The following MIR2052HG variants were observed in gnomAD, a reference collection of about 807,000 sequenced individuals.
The protein encoded by MIR2052HG is MIR2052 host gene.
chr8:74,721,362 A>G (rs1809576702), intron 4 of MIR2052HG, among the ~76,000 whole-genome samples: 3 of 152,194 alleles, frequency 2.0e-5, no homozygotes, highest in African/African-American at 4.8e-5. Context: ...TCCAAGACTT[A>G]ATGTGCTCAA....
chr8:74,599,971 G>C (rs1301269533), intron 1 of MIR2052HG: 4 of 156,736 alleles, frequency 2.6e-5, no homozygotes, highest in African/African-American at 9.6e-5. Flanking sequence ...CAGTATTCGG[G>C]TGGGAGTGAC....
intron 4 of MIR2052HG, among the ~76,000 whole-genome samples, chr8:74,749,705 T>G (rs1174116562): frequency 6.6e-6 from 1 of 151,782 alleles, no homozygotes; most frequent in East Asian, 1.9e-4. Context: ...AAAAATTAGC[T>G]GGGTATGGTG....
chr8:74,752,604 C>T (rs1449596435), intron 5 of MIR2052HG: 2 of 398,468 alleles, frequency 5.0e-6, no homozygotes, highest in African/African-American at 4.3e-5. Context: ...GGTTAAACTG[C>T]CTTAGCCATT....
At chr8:74,716,818 A>G (rs963390354) in intron 4 of MIR2052HG, among the ~76,000 whole-genome samples, 1 of 152,114 alleles carries the variant, frequency 6.6e-6, no homozygotes, top group Non-Finnish European at 1.5e-5. Flanking sequence ...TGCATGCCTT[A>G]TCTTGTAAGA....
intron 3 of MIR2052HG, among the ~76,000 whole-genome samples, chr8:74,703,210 G>A (rs960179728): frequency 2.6e-5 from 4 of 152,020 alleles, no homozygotes; most frequent in Admixed American, 2.6e-4. Flanking sequence ...ACCAAATCTT[G>A]TGATGCCTAA....
intron 2 of MIR2052HG, among the ~76,000 whole-genome samples, chr8:74,693,604 C>T (rs115721374): frequency 0.23 from 2,908 of 12,430 alleles, 90 homozygotes; most frequent in African/African-American, 0.48. Context: ...AGTGCTATTG[C>T]GGGGGCGGGG....
At chr8:74,751,090 A>G (rs991913609) in intron 4 of MIR2052HG, among the ~76,000 whole-genome samples, 3 of 152,230 alleles carry the variant, frequency 2.0e-5, no homozygotes, top group Non-Finnish European at 4.4e-5. Flanking sequence ...ATTTGTAAAC[A>G]CAAAATCAAT....
At chr8:74,752,852 AGTTAAAACT>A (rs2128756870) in intron 5 of MIR2052HG, among the ~76,000 whole-genome samples, 1 of 152,332 alleles carries the variant, frequency 6.6e-6, no homozygotes, top group Admixed American at 6.5e-5. Context: ...AAAAACTTTC[AGTTAAAACT>A]GGTTCAATTT....
chr8:74,722,484 T>G (rs1340287819), intron 4 of MIR2052HG, among the ~76,000 whole-genome samples: 1 of 152,230 alleles, frequency 6.6e-6, no homozygotes, highest in Non-Finnish European at 1.5e-5. Flanking sequence ...TATCACTGAC[T>G]ATTGTTTTTT....
intron 4 of MIR2052HG, among the ~76,000 whole-genome samples, chr8:74,722,405 T>C (rs1437157140): frequency 1.3e-5 from 2 of 152,236 alleles, no homozygotes; most frequent in Admixed American, 6.5e-5. Flanking sequence ...TAGCATCCTA[T>C]TGATTTCCAG....
intron 4 of MIR2052HG, among the ~76,000 whole-genome samples, chr8:74,720,007 C>G (rs1291157054): frequency 6.6e-6 from 1 of 151,746 alleles, no homozygotes; most frequent in Non-Finnish European, 1.5e-5. Flanking sequence ...TGCTGCCATG[C>G]CCGGCTAATT....
intron 2 of MIR2052HG, among the ~76,000 whole-genome samples, chr8:74,691,666 A>G (rs980191899): frequency 6.6e-6 from 1 of 152,206 alleles, no homozygotes; most frequent in African/African-American, 2.4e-5. Context: ...AGGCTATAGA[A>G]AGATGTAAAA....
chr8:74,710,641 C>G (rs1343924372), intron 4 of MIR2052HG, among the ~76,000 whole-genome samples: 1 of 152,012 alleles, frequency 6.6e-6, no homozygotes, highest in Non-Finnish European at 1.5e-5. Flanking sequence ...AATTCCAGGC[C>G]TAGAAGTCGT....
intron 2 of MIR2052HG, among the ~76,000 whole-genome samples, chr8:74,657,728 C>T (rs897534830): frequency 1.3e-4 from 20 of 152,170 alleles, no homozygotes; most frequent in African/African-American, 4.8e-4. Context: ...ACCATCAGAT[C>T]TTGTGAGACT....
intron 2 of MIR2052HG, among the ~76,000 whole-genome samples, chr8:74,643,568 C>G (rs1214588679): frequency 6.6e-6 from 1 of 152,058 alleles, no homozygotes; most frequent in African/African-American, 2.4e-5. Flanking sequence ...GTTTTATTCT[C>G]TAGTAAAGAA....
chr8:74,680,861 C>T (rs1809116169), intron 2 of MIR2052HG, among the ~76,000 whole-genome samples: 2 of 151,534 alleles, frequency 1.3e-5, no homozygotes, highest in Non-Finnish European at 2.9e-5. Flanking sequence ...GGCACATATA[C>T]ACCATGGAAT....
intron 2 of MIR2052HG, among the ~76,000 whole-genome samples, chr8:74,625,002 G>T (rs1808415844): frequency 6.6e-6 from 1 of 152,094 alleles, no homozygotes; most frequent in African/African-American, 2.4e-5. Context: ...GGATCCAGGA[G>T]TAAAAATTGT....
intron 4 of MIR2052HG, among the ~76,000 whole-genome samples, chr8:74,709,210 G>A (rs1809442404): frequency 6.6e-6 from 1 of 152,124 alleles, no homozygotes; most frequent in African/African-American, 2.4e-5. Context: ...AAGTGAACAG[G>A]AATGTAGTAA....
At chr8:74,692,168 G>A (rs1809245778) in intron 2 of MIR2052HG, among the ~76,000 whole-genome samples, 1 of 152,148 alleles carries the variant, frequency 6.6e-6, no homozygotes, top group Non-Finnish European at 1.5e-5. Flanking sequence ...TCAGCTCAAT[G>A]CAACCTCTGC....
Sources: gnomAD v4.1 joint callset for allele counts (sites outside exome capture counted in the v4.1 genomes callset) on GRCh38, gnomAD v4.1.1 for gene constraint, MANE v1.5 for transcripts, NCBI Gene and HGNC (gene_info 2026-07-23, HGNC 2026-07-21) for gene names.